MLLT10: variants seen among roughly 807,000 people sequenced by gnomAD.
MLLT10 encodes MLLT10 histone lysine methyltransferase DOT1L cofactor.
MLLT10 carries 30 observed loss-of-function variants against 129.1 expected under a neutral mutation model. The ratio of observed to expected loss-of-function variants is 0.23; its 90% confidence interval spans 0.17 to 0.32. MLLT10 has a LOEUF of 0.32. MLLT10 is among the 10% of genes least tolerant of loss of function. The pLI, the probability that MLLT10 is intolerant of heterozygous loss-of-function variation, is 1.00. For synonymous variants in MLLT10, 490 were observed against 446.4 expected (o/e 1.10, Z -1.23); for missense variants, 1,119 against 1,268.3 (o/e 0.88, Z 1.79).
chr10:21,622,081 G>A (rs975085321), intron 8 of MLLT10, among the ~76,000 whole-genome samples: 2 of 151,432 alleles, frequency 1.3e-5, no homozygotes, highest in African/African-American at 4.8e-5. Context: ...AGCAAGGAGA[G>A]AAGAAAAGTT....
At chr10:21,578,511 G>A (rs768245895) in intron 3 of MLLT10, among the ~76,000 whole-genome samples, 13 of 152,020 alleles carry the variant, frequency 8.6e-5, no homozygotes, top group Admixed American at 3.3e-4. Context: ...TGCTTTTAGT[G>A]TTATGTCTAA....
rs112208104 is a variant in MLLT10, at chr10:21,666,587, C to T, written c.796-3862C>T. Among the ~76,000 whole-genome samples, 127 of 151,640 alleles carry T rather than the reference C, an allele frequency of 8.4e-4. 1 individual carries two copies. The highest frequency in any genetic ancestry group is 2.1e-3 in the African/African-American group (86 of 41,336). Reference sequence around the variant, plus strand: ...CTGAGGCAGGAGAATCGTTGGAACCCGGGAGGTGGAGGTTGCAGTGAGCTC... The same window carrying T: ...CTGAGGCAGGAGAATCGTTGGAACCTGGGAGGTGGAGGTTGCAGTGAGCTC... On this transcript the variant is annotated intron_variant, in intron 9 of 22. Coordinates refer to ENST00000307729, the MANE Select transcript of MLLT10 (RefSeq NM_001195626.3).
intron 3 of MLLT10, among the ~76,000 whole-genome samples, chr10:21,565,748 C>A (rs554143131): frequency 1.3e-5 from 2 of 151,482 alleles, no homozygotes; most frequent in African/African-American, 4.9e-5. Flanking sequence ...TGGGACCACA[C>A]GTGTGCACCA....
chr10:21,536,823 T>A (rs2130883268), intron 2 of MLLT10, among the ~76,000 whole-genome samples: 1 of 152,172 alleles, frequency 6.6e-6, no homozygotes, highest in Middle Eastern at 3.4e-3. Context: ...TTGCTCTTGT[T>A]GCTCAGGCTG....
intron 8 of MLLT10, among the ~76,000 whole-genome samples, chr10:21,647,699 C>CG (rs1283692200): frequency 2.8e-5 from 4 of 145,246 alleles, no homozygotes; most frequent in South Asian, 2.2e-4. Flanking sequence ...TTTTTTTTTG[C>CG]GGGGGGCGGG....
intron 3 of MLLT10, among the ~76,000 whole-genome samples, chr10:21,582,221 G>A (rs1589068390): frequency 1.3e-5 from 2 of 151,786 alleles, no homozygotes; most frequent in East Asian, 1.9e-4. Context: ...AGGTTCAATC[G>A]ATTTTTGTGC....
Position 21,741,930 on chromosome 10 carries a change from T to A in MLLT10, c.3163-9T>A, listed in dbSNP as rs1430729385. The A allele has an allele frequency of 9.9e-6, 16 of 1,610,210 alleles. No individual in the cohort carries two copies. Among genetic ancestry groups the A allele is most frequent in the Non-Finnish European group, 1.4e-5 (16 of 1,179,086 alleles). On this transcript the variant is annotated splice_polypyrimidine_tract_variant and intron_variant, in intron 22 of 22. Transcript: ENST00000307729. ...TAGCTAACGCATCTGCTCTTTTGTT[T>A]ACCTGCAGAGACTTAGTGATAAAAC...
At chr10:21,726,565 TATATC>T (rs1335327415) in intron 15 of MLLT10, among the ~76,000 whole-genome samples, 2 of 151,938 alleles carry the variant, frequency 1.3e-5, no homozygotes, top group African/African-American at 4.8e-5. Context: ...ATTACATTCA[TATATC>T]ATAACATCAA....
chr10:21,697,141 T>C (rs1172463574), intron 13 of MLLT10, among the ~76,000 whole-genome samples: 1 of 134,436 alleles, frequency 7.4e-6, no homozygotes, highest in Non-Finnish European at 1.6e-5. Context: ...ATTTATTAGG[T>C]GTGTATAGTT....
intron 13 of MLLT10, among the ~76,000 whole-genome samples, chr10:21,689,414 A>G (rs778450284): frequency 6.6e-6 from 1 of 151,456 alleles, no homozygotes; most frequent in Non-Finnish European, 1.5e-5. Context: ...GTAACGTTTG[A>G]CCTGATACTT....
At chr10:21,619,344 A>C (rs1489880125) in intron 8 of MLLT10, among the ~76,000 whole-genome samples, 3 of 152,160 alleles carry the variant, frequency 2.0e-5, no homozygotes, top group Non-Finnish European at 4.4e-5. Flanking sequence ...CTGTTCTGCC[A>C]TTTCATGCAT....
intron 5 of MLLT10, among the ~76,000 whole-genome samples, chr10:21,595,988 A>G (rs767975542): frequency 3.3e-5 from 5 of 151,972 alleles, no homozygotes; most frequent in African/African-American, 1.2e-4. Context: ...TGTGCATTTT[A>G]GGTTTTACCA....
At chr10:21,708,464 G>T in intron 13 of MLLT10, 1 of 607,946 alleles carries the variant, frequency 1.6e-6, no homozygotes, top group Non-Finnish European at 2.1e-6. Flanking sequence ...GAGGAGCAAG[G>T]AAGTTGAAGG....
rs543901569 is a variant in MLLT10, at chr10:21,661,189, T to C, written c.796-9260T>C. 5.9e-5 allele frequency among the ~76,000 whole-genome samples: 9 copies of C among 152,336 alleles called. No homozygotes were observed. In the South Asian group the frequency reaches 6.2e-4, roughly 11 times the overall value. ...TGTATGATTTCTATTCTTTAAAATT[T>C]GTTAAGGTGTGTTTTATGGTCTAGA... On this transcript the variant is annotated intron_variant, in intron 9 of 22. Coordinates refer to ENST00000307729, the MANE Select transcript of MLLT10 (RefSeq NM_001195626.3).
chr10:21,537,038 T>C (rs1461639580), intron 2 of MLLT10, among the ~76,000 whole-genome samples: 1 of 152,140 alleles, frequency 6.6e-6, no homozygotes, highest in African/African-American at 2.4e-5. Flanking sequence ...TCTGCCTGCC[T>C]TGGCCTTCCA....
At chr10:21,563,806 T>TTATTA (rs1384254445) in intron 3 of MLLT10, among the ~76,000 whole-genome samples, 2 of 149,204 alleles carry the variant, frequency 1.3e-5, no homozygotes, top group African/African-American at 4.9e-5. Context: ...ATTATTATTA[T>TTATTA]TATTATTATT....
intron 14 of MLLT10, among the ~76,000 whole-genome samples, chr10:21,723,148 C>A (rs150371260): frequency 8.5e-5 from 13 of 152,096 alleles, no homozygotes; most frequent in African/African-American, 3.1e-4. Context: ...CTTTAGCATA[C>A]GCTAAAGATA....
At chr10:21,589,903 C>T (rs918554906) in intron 4 of MLLT10, among the ~76,000 whole-genome samples, 1 of 92,696 alleles carries the variant, frequency 1.1e-5, no homozygotes, top group Non-Finnish European at 3.1e-5. Context: ...CTTTCCCTTT[C>T]CCTTCCCCTT....
intron 11 of MLLT10, among the ~76,000 whole-genome samples, chr10:21,674,161 G>C (rs1001820079): frequency 6.6e-6 from 1 of 152,014 alleles, no homozygotes; most frequent in African/African-American, 2.4e-5. Context: ...ATTAAATGTA[G>C]GCTAAACAAT....
Sources: gnomAD v4.1 joint callset for allele counts (sites outside exome capture counted in the v4.1 genomes callset) on GRCh38, gnomAD v4.1.1 for gene constraint, MANE v1.5 for transcripts, NCBI Gene and HGNC (gene_info 2026-07-23, HGNC 2026-07-21) for gene names.